Variants in FAP observed in about 807,000 individuals in gnomAD.
The protein encoded by FAP is fibroblast activation protein alpha.
Under a neutral mutation model 126.5 loss-of-function variants are expected in FAP, and 110 were observed. The observed-to-expected ratio is 0.87, with a 90% CI of 0.74 to 1.02. The LOEUF (loss-of-function observed/expected upper bound fraction) is 1.02, where lower values mean the gene tolerates loss of function less well. Ranked by LOEUF, FAP falls within the 50% of genes least tolerant of loss-of-function variation. The pLI is 0.00. For synonymous variants in FAP, 334 were observed against 297.3 expected, an observed-to-expected ratio of 1.12 and a Z score of -1.27; for missense variants, 919 against 909.2, an observed-to-expected ratio of 1.01 and a Z score of -0.14.
At chr2:162,235,301 C>T (rs956021337) in intron 2 of FAP, among the ~76,000 whole-genome samples, 17 of 152,338 alleles carry the variant, frequency 1.1e-4, no homozygotes, top group South Asian at 1.0e-3. Flanking sequence ...GGAGTGCCAG[C>T]GCATGGCGCG....
intron 23 of FAP, 55 bp from the exon 24 acceptor site, chr2:162,173,276 T>C (rs1687379202): frequency 7.7e-7 from 1 of 1,302,684 alleles, no homozygotes; most frequent in Non-Finnish European, 1.1e-6. Flanking sequence ...AATAGAAAAC[T>C]AGCTAAATCA....
intron 23 of FAP, 45 bp from the exon 24 acceptor site, chr2:162,173,266 A>G (rs371900077): frequency 4.2e-5 from 58 of 1,387,278 alleles, no homozygotes; most frequent in Non-Finnish European, 5.5e-5. Context: ...TGCAAGTTCT[A>G]ATAGAAAACT....
At chr2:162,235,192 C>T (rs934914220) in intron 2 of FAP, among the ~76,000 whole-genome samples, 3 of 151,936 alleles carry the variant, frequency 2.0e-5, no homozygotes, top group Non-Finnish European at 4.4e-5. Flanking sequence ...CCTCCTGCCC[C>T]TCCCCCTCCG....
In FAP at chr2:162,225,561, A is replaced by T; in HGVS notation, c.207T>A (p.His69Gln). 1 of 1,598,804 alleles carries T rather than the reference A, an allele frequency of 6.3e-7. No homozygotes were observed. The highest frequency in any genetic ancestry group is 2.2e-5 in the East Asian group (1 of 44,520). Residue 69 changes from histidine to glutamine, a missense_variant, in exon 4 of 26, where the codon CAT (histidine) becomes CAA (glutamine). His to Gln is a conservative substitution (Grantham distance 24, BLOSUM62 0). Coordinates refer to ENST00000188790, the MANE Select transcript of FAP (RefSeq NM_004460.5). ...GTACTATATTGTTATCTGCAGATTG[A>T]TGAAGATATTCTTGTCCTTTAAACA... ...PNWISGQEYLHQSADNNIVLY... is the reference protein window; with the variant it reads ...PNWISGQEYLQQSADNNIVLY...
intron 2 of FAP, among the ~76,000 whole-genome samples, chr2:162,231,286 C>A (rs1266355944): frequency 6.6e-6 from 1 of 152,044 alleles, no homozygotes; most frequent in Non-Finnish European, 1.5e-5. Flanking sequence ...TTCTAGTCAC[C>A]CAGAAAATAT....
At chr2:162,184,206 G>C (rs1276261055) in intron 20 of FAP, among the ~76,000 whole-genome samples, 1 of 152,110 alleles carries the variant, frequency 6.6e-6, no homozygotes, top group African/African-American at 2.4e-5. Flanking sequence ...TCTGGGGATT[G>C]GTTTGATAAA....
At chr2:162,194,887 G>T in intron 16 of FAP, 139 bp from the exon 17 acceptor site, 1 of 742,684 alleles carries the variant, frequency 1.3e-6, no homozygotes, top group Non-Finnish European at 2.4e-6. Flanking sequence ...TTTCCCCATA[G>T]AGAAGAAAAC....
intron 19 of FAP, 94 bp from the exon 20 acceptor site, chr2:162,188,457 C>T (rs1172399265): frequency 9.7e-7 from 1 of 1,032,094 alleles, no homozygotes. Context: ...AATTCCAGTA[C>T]AATTATGTGA....
chr2:162,189,726 T>C lies in FAP; in HGVS notation c.1479A>G (p.Glu493=). Residue 493 remains glutamate (E), a synonymous_variant, in exon 18 of 26, where the codon GAA becomes GAG. Transcript: ENST00000188790. ...GGATATTTTTCAAAGCATTTTCCAATTCCTTGTTTTCTTCCAGGATTTTAA... is the reference window on the plus strand; with the variant it reads ...GGATATTTTTCAAAGCATTTTCCAACTCCTTGTTTTCTTCCAGGATTTTAA... ...QEIKILEENK[E]LENALKNIQL... The C allele has an allele frequency of 6.3e-7, 1 of 1,585,874 alleles. No individual in the cohort carries two copies. Among genetic ancestry groups the C allele is most frequent in the Non-Finnish European group, 8.6e-7 (1 of 1,162,422 alleles).
At chr2:162,239,751 A>C (rs1439433369) in intron 2 of FAP, among the ~76,000 whole-genome samples, 1 of 152,238 alleles carries the variant, frequency 6.6e-6, no homozygotes, top group Non-Finnish European at 1.5e-5. Context: ...GTATTTGTTC[A>C]TCACCATGTG....
chr2:162,175,734 A>G (rs952961407), intron 21 of FAP: 1 of 152,188 alleles, frequency 6.6e-6, no homozygotes, highest in Middle Eastern at 3.2e-3. Context: ...GGATCCTGTT[A>G]AGAGAAAGAG....
At chr2:162,181,091 A>G (rs889590273) in intron 21 of FAP, among the ~76,000 whole-genome samples, 8 of 152,134 alleles carry the variant, frequency 5.3e-5, no homozygotes, top group Non-Finnish European at 1.2e-4. Flanking sequence ...CCTGGGCAAC[A>G]TGACAAAATC....
At chr2:162,186,057 G>T (rs775180534) in intron 20 of FAP, among the ~76,000 whole-genome samples, 2 of 152,126 alleles carry the variant, frequency 1.3e-5, no homozygotes, top group Non-Finnish European at 2.9e-5. Flanking sequence ...ATTCTCTGGG[G>T]TGTTTACTAA....
chr2:162,241,075 T>A (rs1414880685), intron 2 of FAP, among the ~76,000 whole-genome samples: 1 of 152,202 alleles, frequency 6.6e-6, no homozygotes, highest in Non-Finnish European at 1.5e-5. Flanking sequence ...GAGAAGTTAT[T>A]CAGCAAATTT....
intron 2 of FAP, among the ~76,000 whole-genome samples, chr2:162,235,244 T>C (rs12471176): frequency 6.6e-6 from 1 of 150,492 alleles, no homozygotes; most frequent in East Asian, 2.0e-4. Flanking sequence ...AACAAGCACT[T>C]CCCCCTGCTC....
rs770153197 is a variant in FAP at position 162,218,027 on chromosome 2, C to A, written c.721G>T (p.Asp241Tyr). Reference sequence around the variant, plus strand: ...TTTATTGTTCTAGGATATTGTTCATCGCCATAATAGGAATAGGCAATAACT... The same window carrying A: ...TTTATTGTTCTAGGATATTGTTCATAGCCATAATAGGAATAGGCAATAACT... The part of the protein sequence containing the change: ...IPVIAYSYYG[D>Y]EQYPRTINIP... The change falls in exon 9 of 26, where the codon GAT (aspartate) becomes TAT (tyrosine). Residue 241 changes from aspartate (D) to tyrosine (Y), a missense_variant. Coordinates refer to ENST00000188790, the MANE Select transcript of FAP (RefSeq NM_004460.5). 6.2e-7 allele frequency: 1 copy of A among 1,601,050 alleles called. No homozygotes were observed. The highest frequency in any genetic ancestry group is 8.5e-7 in the Non-Finnish European group (1 of 1,173,560).
At chr2:162,222,216 G>A (rs1576185869) in intron 6 of FAP, among the ~76,000 whole-genome samples, 2 of 152,144 alleles carry the variant, frequency 1.3e-5, no homozygotes, top group East Asian at 3.9e-4. Context: ...TGAGAAACTG[G>A]ACTGAAAGAC....
chr2:162,212,437 A>G (rs746889207), intron 11 of FAP, among the ~76,000 whole-genome samples: 17 of 152,216 alleles, frequency 1.1e-4, no homozygotes, highest in Non-Finnish European at 2.5e-4. Flanking sequence ...ACTGTATTAA[A>G]GCCAAAATCA....
chr2:162,243,369 A>C lies in FAP; in HGVS notation c.-42T>G, dbSNP rs1231306129. 1.1e-5 allele frequency: 17 copies of C among 1,605,906 alleles called. No individual in the cohort carries two copies. Among genetic ancestry groups the C allele is most frequent in the African/African-American group, 1.3e-5 (1 of 74,456 alleles). ...GAAAGTTAGCTAATTCTGTCTTCAG[A>C]GCGTGGGTCACTGGATCTGTGAAAA... On this transcript the variant is annotated 5_prime_UTR_variant, in exon 1 of 26. Coordinates refer to ENST00000188790, the MANE Select transcript of FAP (RefSeq NM_004460.5).
Sources: allele counts gnomAD v4.1 joint callset (sites outside exome capture counted in the v4.1 genomes callset), GRCh38; gene constraint gnomAD v4.1.1; transcripts MANE v1.5; gene names NCBI Gene and HGNC (gene_info 2026-07-23, HGNC 2026-07-21).